Variants in SLC25A21 observed in about 807,000 individuals in gnomAD.
SLC25A21 encodes the protein mitochondrial 2-oxodicarboxylate carrier.
In SLC25A21, 47 loss-of-function variants were observed where a neutral mutation model predicts 43.8. The ratio of observed to expected loss-of-function variants is 1.07; its 90% CI spans 0.85 to 1.37. SLC25A21 has a LOEUF of 1.37. Among genes scored for constraint, SLC25A21 ranks in the 40% most tolerant of loss-of-function variants. The pLI is 0.00. For missense variants in SLC25A21, 352 were observed against 350.2 expected, an observed-to-expected ratio of 1.00 and a Z score of -0.04; for synonymous variants, 131 against 121.3, an observed-to-expected ratio of 1.08 and a Z score of -0.52.
At chr14:37,146,986 C>A (rs1963677213) in intron 1 of SLC25A21, among the ~76,000 whole-genome samples, 1 of 152,190 alleles carries the variant, frequency 6.6e-6, no homozygotes, top group Non-Finnish European at 1.5e-5. Flanking sequence ...ATTCCCAACT[C>A]TGGTTTGCAC....
rs1360096684 is a variant in SLC25A21 at position 36,680,101 on chromosome 14, T to C, written c.*557A>G. The C allele has an allele frequency of 4.5e-6, 4 of 882,484 alleles. No homozygotes were observed. In the African/African-American group the frequency reaches 5.5e-5, roughly 12 times the overall value. The allele number at this position is 882,484 out of a possible 1,614,324, so 54.7% of individuals were successfully genotyped here. ...AAACCAACAGATTTACATTTTAACA[T>C]AGTATTCATAAAATTAAACATTCTT... On this transcript the variant is annotated 3_prime_UTR_variant, in exon 10 of 10. Coordinates refer to ENST00000331299, the MANE Select transcript of SLC25A21 (RefSeq NM_030631.4).
intron 1 of SLC25A21, among the ~76,000 whole-genome samples, chr14:36,883,391 C>T (rs900251810): frequency 3.3e-5 from 5 of 152,154 alleles, no homozygotes; most frequent in Non-Finnish European, 7.4e-5. Flanking sequence ...AGAGTAGTCC[C>T]GACCACTCTA....
intron 1 of SLC25A21, among the ~76,000 whole-genome samples, chr14:37,002,944 T>C (rs1960519956): frequency 6.6e-6 from 1 of 152,122 alleles, no homozygotes; most frequent in Admixed American, 6.6e-5. Flanking sequence ...ATTTCTAAGG[T>C]TATCAGTAAT....
intron 1 of SLC25A21, among the ~76,000 whole-genome samples, chr14:37,007,988 C>A (rs1285130281): frequency 6.6e-6 from 1 of 151,964 alleles, no homozygotes; most frequent in South Asian, 2.1e-4. Flanking sequence ...GATTCTCCTG[C>A]CTGAGCCTCC....
chr14:37,078,522 A>G (rs1375690735), intron 1 of SLC25A21, among the ~76,000 whole-genome samples: 3 of 152,194 alleles, frequency 2.0e-5, no homozygotes, highest in African/African-American at 7.2e-5. Context: ...GTCCACATAA[A>G]AAAGAAGAGT....
chr14:36,738,656 G>C (rs554786821), intron 3 of SLC25A21, among the ~76,000 whole-genome samples: 1 of 152,324 alleles, frequency 6.6e-6, no homozygotes, highest in South Asian at 2.1e-4. Context: ...CTTTGGAAGA[G>C]GCATGAGAGC....
intron 3 of SLC25A21, among the ~76,000 whole-genome samples, chr14:36,740,936 TC>T (rs965077940): frequency 6.6e-6 from 1 of 152,182 alleles, no homozygotes; most frequent in African/African-American, 2.4e-5. Context: ...ATATCTTTAG[TC>T]AGTTTGAACG....
intron 1 of SLC25A21, among the ~76,000 whole-genome samples, chr14:36,957,648 A>T (rs1376505938): frequency 6.6e-6 from 1 of 152,232 alleles, no homozygotes; most frequent in African/African-American, 2.4e-5. Context: ...AATCAATCAC[A>T]TTGCCTAAAC....
intron 1 of SLC25A21, among the ~76,000 whole-genome samples, chr14:37,046,041 C>T (rs1003198942): frequency 3.3e-5 from 5 of 152,154 alleles, no homozygotes; most frequent in Non-Finnish European, 5.9e-5. Context: ...CACGACAACC[C>T]TATTAGTGAG....
intron 1 of SLC25A21, among the ~76,000 whole-genome samples, chr14:36,944,062 T>C (rs535402321): frequency 2.6e-5 from 4 of 152,242 alleles, no homozygotes; most frequent in South Asian, 2.1e-4. Context: ...AATTCATACA[T>C]ATAAAAATTC....
chr14:36,978,885 G>C (rs1959944852), intron 1 of SLC25A21, among the ~76,000 whole-genome samples: 1 of 152,060 alleles, frequency 6.6e-6, no homozygotes, highest in African/African-American at 2.4e-5. Flanking sequence ...TTCAAAAAAA[G>C]TTTACTGAGC....
intron 1 of SLC25A21, among the ~76,000 whole-genome samples, chr14:37,011,528 G>C (rs999317973): frequency 6.6e-6 from 1 of 152,140 alleles, no homozygotes; most frequent in African/African-American, 2.4e-5. Context: ...GTTATTAACT[G>C]GGAGGCAATA....
chr14:37,040,057 GCGTGTGGTGGCAGGCAC>G (rs2138781193), intron 1 of SLC25A21, among the ~76,000 whole-genome samples: 1 of 151,036 alleles, frequency 6.6e-6, no homozygotes, highest in African/African-American at 2.4e-5. Flanking sequence ...AAAATTAGCT[GCGTGTGGTGGCAGGCAC>G]CTGTAATCCC....
chr14:36,853,690 G>T (rs991325979), intron 2 of SLC25A21, among the ~76,000 whole-genome samples: 14 of 152,188 alleles, frequency 9.2e-5, no homozygotes, highest in Non-Finnish European at 1.6e-4. Context: ...GGCTGCAACT[G>T]CTCCAACTTG....
chr14:36,910,723 T>C (rs1203454777), intron 1 of SLC25A21, among the ~76,000 whole-genome samples: 1 of 152,192 alleles, frequency 6.6e-6, no homozygotes, highest in Non-Finnish European at 1.5e-5. Context: ...AGAAGTATCA[T>C]GAAAATGCTA....
At chr14:36,840,134 C>T (rs566227575) in intron 2 of SLC25A21, among the ~76,000 whole-genome samples, 18 of 152,144 alleles carry the variant, frequency 1.2e-4, no homozygotes, top group African/African-American at 3.6e-4. Context: ...AACTAACTCC[C>T]GGAGAACATT....
intron 1 of SLC25A21, among the ~76,000 whole-genome samples, chr14:37,104,789 G>T (rs985360858): frequency 6.6e-6 from 1 of 152,188 alleles, no homozygotes; most frequent in East Asian, 1.9e-4. Context: ...CCTAAGCAAA[G>T]CTAACAAGAG....
intron 6 of SLC25A21, among the ~76,000 whole-genome samples, chr14:36,719,281 G>A (rs1884280546): frequency 6.6e-6 from 1 of 152,200 alleles, no homozygotes; most frequent in Non-Finnish European, 1.5e-5. Flanking sequence ...GTTTGGGGAG[G>A]TCCTGTAAGG....
intron 1 of SLC25A21, among the ~76,000 whole-genome samples, chr14:37,076,695 C>T (rs185508072): frequency 2.6e-5 from 4 of 151,350 alleles, no homozygotes; most frequent in Non-Finnish European, 5.9e-5. Flanking sequence ...ACCATGTTGG[C>T]CAGGCCTCGA....
Sources: gnomAD v4.1 joint callset for allele counts (sites outside exome capture counted in the v4.1 genomes callset) on GRCh38, gnomAD v4.1.1 for gene constraint, MANE v1.5 for transcripts, NCBI Gene and HGNC (gene_info 2026-07-23, HGNC 2026-07-21) for gene names.